C1GALT1: variants seen among roughly 807,000 people sequenced by gnomAD.
C1GALT1 encodes the protein glycoprotein-N-acetylgalactosamine 3-beta-galactosyltransferase 1.
C1GALT1 carries 11 observed loss-of-function variants against 31.0 expected under a neutral mutation model. The observed-to-expected ratio is 0.36, with a 90% CI of 0.22 to 0.59. C1GALT1 has a LOEUF of 0.59. Among genes scored for constraint, C1GALT1 ranks in the 20% least tolerant of loss-of-function variants. C1GALT1 has a pLI of 0.79. For missense variants in C1GALT1, 424 were observed against 425.2 expected (o/e 1.00, Z 0.03); for synonymous variants, 175 against 143.6 (o/e 1.22, Z -1.56).
At chr7:7,221,981 C>T (rs1224509947) in intron 1 of C1GALT1, among the ~76,000 whole-genome samples, 1 of 152,162 alleles carries the variant, frequency 6.6e-6, no homozygotes, top group East Asian at 1.9e-4. Flanking sequence ...CCAGAACTAC[C>T]CTGAGGGACT....
chr7:7,198,563 A>T (rs1360658952), intron 1 of C1GALT1, among the ~76,000 whole-genome samples: 1 of 152,152 alleles, frequency 6.6e-6, no homozygotes, highest in East Asian at 1.9e-4. Context: ...TGAGTTAGGG[A>T]GGATTCCCTC....
chr7:7,208,726 A>G (rs1781863584), intron 1 of C1GALT1, among the ~76,000 whole-genome samples: 1 of 152,140 alleles, frequency 6.6e-6, no homozygotes, highest in Non-Finnish European at 1.5e-5. Flanking sequence ...CAGAACACCC[A>G]TTCCTGATAT....
At chr7:7,193,229 C>T (rs1022011547) in intron 1 of C1GALT1, among the ~76,000 whole-genome samples, 2 of 152,050 alleles carry the variant, frequency 1.3e-5, no homozygotes, top group Middle Eastern at 3.2e-3. Context: ...TTTGCCTAAG[C>T]CAATGTCTAG....
rs191112860 is a variant in C1GALT1, at chr7:7,207,234, C to A, written c.-18+24414C>A. On this transcript the variant is annotated intron_variant, in intron 1 of 3. Coordinates refer to ENST00000436587, the MANE Select transcript of C1GALT1 (RefSeq NM_020156.5). ...CCTGTCTAGATCTGCCTTTCAGTCT[C>A]TCTAGTGGATTTTTAATTTCATTTA... Among the ~76,000 whole-genome samples the A allele has an allele frequency of 5.3e-5, 8 of 150,916 alleles. No homozygotes were observed. In the East Asian group the frequency reaches 1.4e-3, roughly 26 times the overall value.
chr7:7,222,030 T>G (rs1562584727), intron 1 of C1GALT1, among the ~76,000 whole-genome samples: 1 of 152,174 alleles, frequency 6.6e-6, no homozygotes, highest in Non-Finnish European at 1.5e-5. Context: ...CCTTGGTGTC[T>G]TACCCTTGCT....
chr7:7,240,515 G>A (rs1004278935), intron 3 of C1GALT1, among the ~76,000 whole-genome samples: 7 of 151,770 alleles, frequency 4.6e-5, no homozygotes, highest in African/African-American at 1.7e-4. Flanking sequence ...CCTTAATTCT[G>A]TATCCTTTTC....
intron 3 of C1GALT1, among the ~76,000 whole-genome samples, chr7:7,239,712 A>G (rs1783534198): frequency 6.6e-6 from 1 of 151,634 alleles, no homozygotes; most frequent in African/African-American, 2.4e-5. Flanking sequence ...CAGTAGTACA[A>G]ATATTTCAGA....
intron 2 of C1GALT1, among the ~76,000 whole-genome samples, chr7:7,177,012 C>G (rs1583732290): frequency 6.6e-6 from 1 of 152,140 alleles, no homozygotes; most frequent in South Asian, 2.1e-4. Flanking sequence ...CTTTCTTCCC[C>G]CTAGAGTTCT....
intron 1 of C1GALT1, among the ~76,000 whole-genome samples, chr7:7,207,335 C>CTTTTTTTTTT (rs57510429): frequency 0.011 from 518 of 48,004 alleles, 189 homozygotes; most frequent in Non-Finnish European, 0.015. Context: ...TACTCTGTTG[C>CTTTTTTTTTT]TTTTTTTTTT....
chr7:7,230,252 C>T (rs1441683203), intron 1 of C1GALT1, among the ~76,000 whole-genome samples: 1 of 152,108 alleles, frequency 6.6e-6, no homozygotes, highest in South Asian at 2.1e-4. Flanking sequence ...TTTTTGTATA[C>T]ACTTTTTACT....
chr7:7,178,522 A>G (rs1480995121), upstream of C1GALT1, among the ~76,000 whole-genome samples: 1 of 152,198 alleles, frequency 6.6e-6, no homozygotes, highest in Non-Finnish European at 1.5e-5. Flanking sequence ...AGGAAAAACA[A>G]CTGGGGGCAG....
intron 1 of C1GALT1, among the ~76,000 whole-genome samples, chr7:7,206,754 CA>C (rs1007209291): frequency 2.1e-5 from 3 of 141,360 alleles, no homozygotes; most frequent in South Asian, 2.1e-4. Context: ...TCATGGTTGG[CA>C]TTTTTTTTTT....
intron 1 of C1GALT1, among the ~76,000 whole-genome samples, chr7:7,196,795 T>A (rs1781307153): frequency 6.6e-6 from 1 of 152,258 alleles, no homozygotes; most frequent in Non-Finnish European, 1.5e-5. Context: ...GGTTTTGATT[T>A]GCATTTCTCT....
intron 1 of C1GALT1, among the ~76,000 whole-genome samples, chr7:7,194,219 A>G (rs1323352827): frequency 6.6e-6 from 1 of 152,036 alleles, no homozygotes; most frequent in Non-Finnish European, 1.5e-5. Flanking sequence ...TGTTGAATAG[A>G]AGTAGTGAGA....
chr7:7,202,439 A>G (rs551835240), intron 1 of C1GALT1, among the ~76,000 whole-genome samples: 1 of 152,274 alleles, frequency 6.6e-6, no homozygotes, highest in South Asian at 2.1e-4. Flanking sequence ...ATTCTTTTGC[A>G]TGTGGATATC....
rs1783247948 is a variant in C1GALT1 at position 7,234,547 on chromosome 7, T to G, written c.220+8T>G. ...ATTCTAGCCAACATAAAGGTATGGT[T>G]TACTTTATTAAGCAGTAAACATAAG... On this transcript the variant is annotated splice_region_variant and intron_variant, in intron 2 of 3. Coordinates refer to ENST00000436587, the MANE Select transcript of C1GALT1 (RefSeq NM_020156.5). 1 of 1,589,888 alleles carries G rather than the reference T, an allele frequency of 6.3e-7. No homozygotes were observed. Among genetic ancestry groups the G allele is most frequent in the Non-Finnish European group, 8.6e-7 (1 of 1,158,636 alleles).
chr7:7,170,132 T>G (rs1780438017), intron 2 of C1GALT1, among the ~76,000 whole-genome samples: 1 of 152,246 alleles, frequency 6.6e-6, no homozygotes, highest in Non-Finnish European at 1.5e-5. Flanking sequence ...CTGGCAGTAA[T>G]GCCCCTATTC....
At chr7:7,218,589 TA>T (rs1429228830) in intron 1 of C1GALT1, among the ~76,000 whole-genome samples, 2 of 152,186 alleles carry the variant, frequency 1.3e-5, no homozygotes, top group Non-Finnish European at 2.9e-5. Flanking sequence ...AGTTCTTGTG[TA>T]TTGCACTAGT....
intron 1 of C1GALT1, among the ~76,000 whole-genome samples, chr7:7,224,672 C>T (rs935088287): frequency 2.0e-5 from 3 of 151,998 alleles, no homozygotes; most frequent in Non-Finnish European, 2.9e-5. Flanking sequence ...TCTGCAGGGT[C>T]AATAGAAATA....
Sources: gnomAD v4.1 joint callset for allele counts (sites outside exome capture counted in the v4.1 genomes callset) on GRCh38, gnomAD v4.1.1 for gene constraint, MANE v1.5 for transcripts, NCBI Gene and HGNC (gene_info 2026-07-23, HGNC 2026-07-21) for gene names.